The following SLC38A9 variants were observed in gnomAD, a reference collection of about 807,000 sequenced individuals.
SLC38A9 encodes the protein neutral amino acid transporter 9.
SLC38A9 carries 48 observed loss-of-function variants against 62.3 expected under a neutral mutation model. The observed-to-expected ratio is 0.77, with a 90% confidence interval of 0.61 to 0.98. SLC38A9 has a LOEUF of 0.98. SLC38A9 is among the 50% of genes least tolerant of loss of function. The probability of loss-of-function intolerance (pLI) is 0.00; values close to 1 mark genes in which losing one functional copy is unlikely to be tolerated. For synonymous variants in SLC38A9, 204 were observed against 227.7 expected (o/e 0.90, Z 0.94); for missense variants, 541 against 679.8 (o/e 0.80, Z 2.27).
At chr5:55,707,928 G>A (rs1217481498) in intron 2 of SLC38A9, among the ~76,000 whole-genome samples, 1 of 152,154 alleles carries the variant, frequency 6.6e-6, no homozygotes, top group Non-Finnish European at 1.5e-5. Flanking sequence ...TCCCCCATGT[G>A]AGGACACAGC....
intron 7 of SLC38A9, 155 bp from the exon 8 acceptor site, chr5:55,665,018 A>C (rs1313961989): frequency 2.6e-6 from 1 of 387,262 alleles, no homozygotes; most frequent in East Asian, 4.2e-5. Context: ...TAAAATTAAA[A>C]CATTATAGAA....
intron 2 of SLC38A9, among the ~76,000 whole-genome samples, chr5:55,711,195 AG>A (rs946061744): frequency 2.5e-4 from 38 of 151,666 alleles, no homozygotes; most frequent in African/African-American, 8.5e-4. Context: ...CAGGAGGGTG[AG>A]GCACGAGAAT....
intron 7 of SLC38A9, among the ~76,000 whole-genome samples, chr5:55,667,136 A>G (rs1750614172): frequency 3.3e-5 from 5 of 152,230 alleles, no homozygotes; most frequent in African/African-American, 9.6e-5. Flanking sequence ...AGGAGGTTGC[A>G]TTGAGCTGAG....
At chr5:55,655,646 TGA>T (rs1336538087) in intron 9 of SLC38A9, among the ~76,000 whole-genome samples, 1 of 152,162 alleles carries the variant, frequency 6.6e-6, no homozygotes, top group East Asian at 1.9e-4. Context: ...GTAAACTTCA[TGA>T]GAGGAGGGAC....
chr5:55,691,255 A>G (rs185010821), intron 3 of SLC38A9: 20 of 1,269,052 alleles, frequency 1.6e-5, no homozygotes, highest in East Asian at 1.3e-4. Context: ...GACATATCCA[A>G]TTGTTTTCCA....
intron 2 of SLC38A9, among the ~76,000 whole-genome samples, chr5:55,699,368 T>C (rs1444540390): frequency 1.3e-5 from 2 of 152,234 alleles, no homozygotes; most frequent in African/African-American, 2.4e-5. Context: ...CTTAAAGCTA[T>C]GAATGTAATT....
chr5:55,701,197 C>G (rs187331866), intron 2 of SLC38A9, among the ~76,000 whole-genome samples: 7 of 152,276 alleles, frequency 4.6e-5, no homozygotes, highest in Non-Finnish European at 7.4e-5. Flanking sequence ...TTAATTTAGG[C>G]AATGACAATT....
intron 11 of SLC38A9, among the ~76,000 whole-genome samples, chr5:55,646,819 C>T (rs942110153): frequency 3.9e-5 from 6 of 152,168 alleles, no homozygotes; most frequent in Admixed American, 2.6e-4. Flanking sequence ...GGCACAAACA[C>T]AGCTGACTAC....
intron 10 of SLC38A9, among the ~76,000 whole-genome samples, chr5:55,651,248 C>CTTTT (rs1157691760): frequency 8.5e-5 from 10 of 117,616 alleles, no homozygotes; most frequent in African/African-American, 1.6e-4. Context: ...CTTTTGCCAT[C>CTTTT]TTTTTTTTTT....
chr5:55,672,506 T>C (rs1751483794), intron 4 of SLC38A9, 57 bp downstream of exon 4: 2 of 1,588,428 alleles, frequency 1.3e-6, no homozygotes, highest in African/African-American at 1.3e-5. Flanking sequence ...CTGGCTTATA[T>C]TGTTCACTGT....
In SLC38A9 at chr5:55,654,091, T is replaced by TA. The variant is rs1191750142; in HGVS notation, c.758-1369dup. Among the ~76,000 whole-genome samples, 3 of 152,358 alleles carry TA rather than the reference T, an allele frequency of 2.0e-5. No individual in the cohort carries two copies. The East Asian group carries it at 5.8e-4, about 29-fold the overall frequency. The stretch of plus-strand genomic sequence containing the variant: ...TAATCAGCTTTTCGTAAAGAACTCT[T>TA]AATGCAGGTAGAAAATACTCGTATT... On this transcript the variant is annotated intron_variant, in intron 9 of 15. Transcript: ENST00000396865.
At chr5:55,648,286 T>G (rs1367473264) in intron 11 of SLC38A9, among the ~76,000 whole-genome samples, 1 of 152,176 alleles carries the variant, frequency 6.6e-6, no homozygotes, top group Non-Finnish European at 1.5e-5. Flanking sequence ...CATTTGTTAT[T>G]GATAGACATT....
At chr5:55,660,537 G>A (rs1749341438) in intron 8 of SLC38A9, among the ~76,000 whole-genome samples, 1 of 152,206 alleles carries the variant, frequency 6.6e-6, no homozygotes, top group South Asian at 2.1e-4. Flanking sequence ...TGAAGGAGGT[G>A]TATAGATGTA....
At chr5:55,630,834 C>G (rs73119738) in intron 14 of SLC38A9, among the ~76,000 whole-genome samples, 7,425 of 151,804 alleles carry the variant, frequency 0.049, 311 homozygotes, top group African/African-American at 0.11. Context: ...TGATTTTAAA[C>G]AAATTAAAAA....
chr5:55,652,003 A>G (rs151188488), intron 10 of SLC38A9, among the ~76,000 whole-genome samples: 2 of 148,736 alleles, frequency 1.3e-5, no homozygotes, highest in East Asian at 3.9e-4. Context: ...AAAAATGGTC[A>G]TCTACACTTT....
intron 3 of SLC38A9, among the ~76,000 whole-genome samples, chr5:55,684,555 T>TG (rs1753479828): frequency 6.6e-6 from 1 of 152,186 alleles, no homozygotes. Context: ...AACCTAAAGT[T>TG]TACGTGAAGT....
At position 55,664,188 on chromosome 5, in the gene SLC38A9, A is replaced by T. The variant is rs577194150; in HGVS notation, c.697+505T>A. Among the ~76,000 whole-genome samples, 950 of 151,970 alleles carry T rather than the reference A, an allele frequency of 6.3e-3. 10 individuals carry two copies. The highest frequency in any genetic ancestry group is 0.022 in the African/African-American group (921 of 41,496). The stretch of plus-strand genomic sequence containing the variant: ...AAAATGAACTTCCTCTATCTAACCT[A>T]AAAAAAATTATAAGAAGTATTTGGA... On this transcript the variant is annotated intron_variant, in intron 8 of 15. Transcript: ENST00000396865.
intron 14 of SLC38A9, among the ~76,000 whole-genome samples, chr5:55,629,919 A>C (rs1268587527): frequency 7.0e-6 from 1 of 142,196 alleles, no homozygotes; most frequent in Non-Finnish European, 1.6e-5. Context: ...AAGTGTGTCA[A>C]CATTTGGAAG....
rs1742406451 is a variant in SLC38A9, at chr5:55,626,361, T to A, written c.*133A>T. 2.4e-6 allele frequency: 2 copies of A among 831,414 alleles called. No homozygotes were observed. Among genetic ancestry groups the A allele is most frequent in the South Asian group, 4.4e-5 (2 of 45,158 alleles). The allele number at this position is 831,414 out of a possible 1,614,324, so 51.5% of individuals were successfully genotyped here. On this transcript the variant is annotated 3_prime_UTR_variant, in exon 16 of 16. Coordinates refer to ENST00000396865, the MANE Select transcript of SLC38A9 (RefSeq NM_173514.4). ...AAAATACTCATTAAGGGGCCACTAT[T>A]TCCCTTGCTTTCAAATTATCTTAGA...
Sources: gnomAD v4.1 joint callset for allele counts (sites outside exome capture counted in the v4.1 genomes callset) on GRCh38, gnomAD v4.1.1 for gene constraint, MANE v1.5 for transcripts, NCBI Gene and HGNC (gene_info 2026-07-23, HGNC 2026-07-21) for gene names.